The following PDZD2 variants were observed in gnomAD, a reference collection of about 807,000 sequenced individuals.
PDZD2 encodes the protein PDZ domain containing 2.
A neutral mutation model predicts 220.7 loss-of-function variants in PDZD2; 90 were observed. That is an observed-to-expected ratio of 0.41 (90% CI 0.34 to 0.49). The LOEUF is 0.49. PDZD2 is among the 20% of genes least tolerant of loss of function. The pLI is 0.28. For synonymous variants in PDZD2, 1,375 were observed against 1,450.5 expected (o/e 0.95, Z 1.18); for missense variants, 3,174 against 3,608.5 (o/e 0.88, Z 3.08).
intron 1 of PDZD2, among the ~76,000 whole-genome samples, chr5:31,672,915 T>C (rs1746269984): frequency 6.6e-6 from 1 of 152,218 alleles, no homozygotes; most frequent in Non-Finnish European, 1.5e-5. Context: ...ACGAAACACT[T>C]TGTAGACTTC....
At chr5:31,822,541 T>G in intron 2 of PDZD2, 1 of 726,470 alleles carries the variant, frequency 1.4e-6, no homozygotes, top group Non-Finnish European at 2.3e-6. Context: ...TTTCTGTAGC[T>G]GGACAACTCT....
chr5:31,821,254 T>A (rs1408482467), intron 2 of PDZD2, among the ~76,000 whole-genome samples: 5 of 151,160 alleles, frequency 3.3e-5, no homozygotes, highest in South Asian at 2.1e-4. Flanking sequence ...CTTTAAAATT[T>A]AAATTTAAAT....
intron 2 of PDZD2, among the ~76,000 whole-genome samples, chr5:31,885,985 T>G (rs1279141697): frequency 6.6e-6 from 1 of 152,052 alleles, no homozygotes; most frequent in Non-Finnish European, 1.5e-5. Flanking sequence ...CTGCAGCCTC[T>G]GCCTCCCGGG....
intron 1 of PDZD2, among the ~76,000 whole-genome samples, chr5:31,705,209 CA>C (rs1747770079): frequency 6.6e-5 from 1 of 15,100 alleles, no homozygotes; most frequent in Non-Finnish European, 1.1e-4. Context: ...CACACACACA[CA>C]TACACACTCA....
At position 31,964,720 on chromosome 5, in the gene PDZD2, T is replaced by A. The variant is rs145912620; in HGVS notation, c.477-18435T>A. On this transcript the variant is annotated intron_variant, in intron 2 of 24. Transcript: ENST00000438447. ...CTAATTGCGGTTTTTGCCTTTTTTT[T>A]ATTTTTATTTTTTGAGGCGGAGTCT... Among the ~76,000 whole-genome samples, 6 of 152,200 alleles carry A rather than the reference T, an allele frequency of 3.9e-5. No homozygotes were observed. The East Asian group carries it at 7.7e-4, about 20-fold the overall frequency.
At chr5:31,739,509 T>C (rs369109183) in intron 1 of PDZD2, among the ~76,000 whole-genome samples, 5 of 151,902 alleles carry the variant, frequency 3.3e-5, no homozygotes, top group Non-Finnish European at 7.4e-5. Context: ...ATGTTTAAGA[T>C]AAAAGAAGGG....
chr5:32,009,137 G>A (rs1296553316), intron 5 of PDZD2, among the ~76,000 whole-genome samples: 1 of 152,034 alleles, frequency 6.6e-6, no homozygotes, highest in Non-Finnish European at 1.5e-5. Flanking sequence ...GAGGTCAGGG[G>A]TTCGAGACCA....
rs1484543099 is a variant in PDZD2 at position 31,920,435 on chromosome 5, C to A, written c.477-62720C>A. 2.7e-5 allele frequency among the ~76,000 whole-genome samples: 4 copies of A among 150,638 alleles called. No homozygotes were observed. In the East Asian group the frequency reaches 5.8e-4, roughly 22 times the overall value. On this transcript the variant is annotated intron_variant, in intron 2 of 24. Transcript: ENST00000438447. ...TGGTGCATTTGTTAAAATTGATGAACCTCCATTGACATCTTATAATCACCC... is the reference window on the plus strand; with the variant it reads ...TGGTGCATTTGTTAAAATTGATGAAACTCCATTGACATCTTATAATCACCC...
At chr5:31,971,367 C>A (rs1460446845) in intron 2 of PDZD2, among the ~76,000 whole-genome samples, 2 of 152,168 alleles carry the variant, frequency 1.3e-5, no homozygotes, top group Non-Finnish European at 2.9e-5. Flanking sequence ...TTCTTCCAGT[C>A]CTTTTATTAG....
intron 4 of PDZD2, among the ~76,000 whole-genome samples, chr5:31,998,994 C>A (rs189371269): frequency 6.6e-6 from 1 of 152,228 alleles, no homozygotes. Flanking sequence ...ACTGTTGACT[C>A]ACCACGATTG....
chr5:31,840,983 AC>A, intron 2 of PDZD2: 1 of 422,672 alleles, frequency 2.4e-6, no homozygotes, highest in Non-Finnish European at 4.2e-6. Context: ...TTGGCGAATT[AC>A]TGGAGGATGG....
intron 6 of PDZD2, among the ~76,000 whole-genome samples, chr5:32,031,843 A>G (rs1315756911): frequency 6.6e-6 from 1 of 152,226 alleles, no homozygotes; most frequent in Non-Finnish European, 1.5e-5. Flanking sequence ...CTCTTTAAAC[A>G]TAAATACGAT....
At chr5:31,698,465 A>G (rs805208) in intron 1 of PDZD2, among the ~76,000 whole-genome samples, 67,167 of 150,046 alleles carry the variant, frequency 0.45, 15,634 homozygotes, top group East Asian at 0.62. Context: ...CAGGCGTGGT[A>G]GCGGGCGCCT....
chr5:32,102,692 C>T (rs1215067633), intron 24 of PDZD2, among the ~76,000 whole-genome samples: 1 of 152,010 alleles, frequency 6.6e-6, no homozygotes, highest in African/African-American at 2.4e-5. Context: ...GCCAGCAGAC[C>T]CGAAAAACAG....
intron 1 of PDZD2, among the ~76,000 whole-genome samples, chr5:31,730,241 AT>A (rs1749445583): frequency 6.6e-6 from 1 of 152,148 alleles, no homozygotes; most frequent in African/African-American, 2.4e-5. Context: ...AGGGGTGGAA[AT>A]TCTGTCTTGT....
At chr5:31,912,381 T>TCCTAATATC (rs1743288791) in intron 2 of PDZD2, among the ~76,000 whole-genome samples, 2 of 152,104 alleles carry the variant, frequency 1.3e-5, no homozygotes, top group Admixed American at 1.3e-4. Flanking sequence ...AGGCCCCACC[T>TCCTAATATC]CCTAATATCA....
Position 32,088,585 on chromosome 5 carries a change from A to G in PDZD2, c.5137A>G (p.Lys1713Glu). Residue 1713 changes from lysine (K) to glutamate (E), a missense_variant, in exon 20 of 25, where the codon AAA becomes GAA. Transcript: ENST00000438447. This position sits in a 1 kb window ranked among gnomAD's most constrained non-coding sequence, Gnocchi z 4.6. ...SSAMENSPLS[K>E]VARHFHSPPI... ...AGCCATGGAAAACAGTCCGCTGTCT[A>G]AAGTAGCCAGGCATTTTCACAGTCC... 1 of 1,614,166 alleles carries G rather than the reference A, an allele frequency of 6.2e-7. No homozygotes were observed. Among genetic ancestry groups the G allele is most frequent in the Non-Finnish European group, 8.5e-7 (1 of 1,179,996 alleles).
At chr5:32,027,035 T>C (rs1754723026) in intron 6 of PDZD2, among the ~76,000 whole-genome samples, 1 of 152,210 alleles carries the variant, frequency 6.6e-6, no homozygotes, top group Non-Finnish European at 1.5e-5. Flanking sequence ...CCTGAGTAAC[T>C]GGGATTACAG....
At chr5:31,903,694 A>G (rs1451447485) in intron 2 of PDZD2, among the ~76,000 whole-genome samples, 1 of 151,234 alleles carries the variant, frequency 6.6e-6, no homozygotes, top group Admixed American at 6.6e-5. Flanking sequence ...AGGAAAAGTC[A>G]TTGTAAATTA....
Sources: gnomAD v4.1 joint callset for allele counts (sites outside exome capture counted in the v4.1 genomes callset) on GRCh38, gnomAD v4.1.1 for gene constraint, Gnocchi (gnomAD v3.1) non-coding constraint, MANE v1.5 for transcripts, NCBI Gene and HGNC (gene_info 2026-07-23, HGNC 2026-07-21) for gene names.